Variants in CAMK2D observed in about 807,000 individuals in gnomAD.
CAMK2D encodes the protein calcium/calmodulin-dependent protein kinase type II subunit delta.
CAMK2D carries 37 observed loss-of-function variants against 84.0 expected under a neutral mutation model. That is an observed-to-expected ratio of 0.44 (90% CI 0.34 to 0.58). CAMK2D has a LOEUF of 0.58. Among genes scored for constraint, CAMK2D ranks in the 20% least tolerant of loss-of-function variants. The probability of loss-of-function intolerance (pLI) is 0.02; values close to 1 mark genes in which losing one functional copy is unlikely to be tolerated. For missense variants in CAMK2D, 448 were observed against 652.5 expected, an observed-to-expected ratio of 0.69 and a Z score of 3.41; for synonymous variants, 202 against 212.5, an observed-to-expected ratio of 0.95 and a Z score of 0.43.
At chr4:113,718,093 C>A (rs925034263) in intron 2 of CAMK2D, among the ~76,000 whole-genome samples, 2 of 151,998 alleles carry the variant, frequency 1.3e-5, no homozygotes, top group African/African-American at 4.8e-5. Flanking sequence ...TTACCTGCTG[C>A]CTAGACAGAG....
At position 113,531,257 on chromosome 4, in the gene CAMK2D, C is replaced by T; in HGVS notation, c.560G>A (p.Arg187His). 6.2e-7 allele frequency: 1 copy of T among 1,605,908 alleles called. No homozygotes were observed. Among genetic ancestry groups the T allele is most frequent in the Non-Finnish European group, 8.5e-7 (1 of 1,172,756 alleles). Reference protein sequence around the residue: ...TPGYLSPEVLRKDPYGKPVDM... With the variant: ...TPGYLSPEVLHKDPYGKPVDM... ...CACTGGCTTTCCATAAGGATCTTTA[C>T]GTAAAACTTCTGGAGAAAGATATCC... Residue 187 changes from arginine (R) to histidine (H), a missense_variant, in exon 8 of 21, where the codon CGT becomes CAT. By Grantham distance (29) the Arg-to-His change is conservative. This residue lies in a region of CAMK2D where 69 missense variants were observed against 175.6 expected (regional missense o/e 0.39). Transcript: ENST00000511664.
Position 113,671,855 on chromosome 4 carries a change from C to T in CAMK2D, c.161-10083G>A, listed in dbSNP as rs539840291. ...GAGGAAAAATGTTTTTGTTATTTTT[C>T]TGGAATTTGTTATTCTTTGTAGTAT... On this transcript the variant is annotated intron_variant, in intron 2 of 20. Transcript: ENST00000511664. Among the ~76,000 whole-genome samples the T allele has an allele frequency of 6.0e-4, 91 of 152,258 alleles. No individual in the cohort carries two copies. In the Middle Eastern group the frequency reaches 0.01, roughly 17 times the overall value.
intron 4 of CAMK2D, among the ~76,000 whole-genome samples, chr4:113,601,688 T>A (rs2098953399): frequency 8.3e-6 from 1 of 120,990 alleles, no homozygotes. Context: ...TTATTCTTTT[T>A]TTTTTTTTTT....
intron 3 of CAMK2D, among the ~76,000 whole-genome samples, chr4:113,647,323 A>C (rs2154298955): frequency 6.6e-6 from 1 of 152,324 alleles, no homozygotes; most frequent in Admixed American, 6.5e-5. Context: ...ATACAATATA[A>C]ATTGTTTCAA....
At chr4:113,521,286 C>T (rs946490061) in intron 8 of CAMK2D, among the ~76,000 whole-genome samples, 30 of 152,118 alleles carry the variant, frequency 2.0e-4, no homozygotes, top group Admixed American at 1.4e-3. Context: ...GTATTTCAAT[C>T]TATTATGTTA....
intron 2 of CAMK2D, among the ~76,000 whole-genome samples, chr4:113,716,037 A>G (rs540357041): frequency 6.6e-6 from 1 of 152,302 alleles, no homozygotes; most frequent in South Asian, 2.1e-4. Context: ...GCTTCTAAGT[A>G]TGTATTTGCA....
rs1254119195 is a variant in CAMK2D, at chr4:113,761,525, G to C, written c.-457C>G. 16 of 1,008,520 alleles carry C rather than the reference G, an allele frequency of 1.6e-5. No homozygotes were observed. Among genetic ancestry groups the C allele is most frequent in the Non-Finnish European group, 1.8e-5 (15 of 844,002 alleles). 62.5% of individuals were successfully genotyped at this position (1,008,520 alleles called of 1,614,324 possible). On this transcript the variant is annotated 5_prime_UTR_variant, in exon 1 of 21. Transcript: ENST00000511664. ...AGGGGGCGGAGGTGGAGTGCAGCGG[G>C]GCCGAGGCCGCGGAGCCCAGAGCGG...
intron 2 of CAMK2D, among the ~76,000 whole-genome samples, chr4:113,745,196 T>C (rs2099601595): frequency 6.6e-6 from 1 of 152,238 alleles, no homozygotes; most frequent in Non-Finnish European, 1.5e-5. Context: ...TACGTGTTTT[T>C]AACCTTTTCT....
intron 2 of CAMK2D, chr4:113,755,173 T>TATACACACACACACACACAC (rs71582195): frequency 6.1e-6 from 1 of 163,434 alleles, no homozygotes; most frequent in African/African-American, 2.7e-5. Context: ...TACTTAGGGA[T>TATACACACACACACACACAC]ACACACACAC....
At chr4:113,696,201 C>G (rs1020777801) in intron 2 of CAMK2D, among the ~76,000 whole-genome samples, 15 of 110,272 alleles carry the variant, frequency 1.4e-4, no homozygotes, top group African/African-American at 7.6e-4. Flanking sequence ...CACAGACACA[C>G]ACACACACAC....
At chr4:113,544,520 C>A (rs200366014) in intron 6 of CAMK2D, among the ~76,000 whole-genome samples, 4 of 152,154 alleles carry the variant, frequency 2.6e-5, no homozygotes, top group East Asian at 1.9e-4. Flanking sequence ...ATCTTAAGTT[C>A]TTTCATTTGT....
chr4:113,692,943 G>C (rs1358581503), intron 2 of CAMK2D, among the ~76,000 whole-genome samples: 1 of 151,964 alleles, frequency 6.6e-6, no homozygotes, highest in African/African-American at 2.4e-5. Flanking sequence ...TGCTTATAAT[G>C]GTTTTCATAA....
chr4:113,635,336 C>T (rs933693725), intron 3 of CAMK2D, among the ~76,000 whole-genome samples: 1 of 152,098 alleles, frequency 6.6e-6, no homozygotes, highest in Non-Finnish European at 1.5e-5. Context: ...AGAACACAAG[C>T]CAAGTTAAGG....
At chr4:113,468,132 C>T (rs1216594462) in intron 16 of CAMK2D, among the ~76,000 whole-genome samples, 1 of 152,068 alleles carries the variant, frequency 6.6e-6, no homozygotes, top group African/African-American at 2.4e-5. Context: ...TGCACTGCCT[C>T]ACAAGCATAA....
At chr4:113,488,526 T>C (rs752521959) in intron 16 of CAMK2D, among the ~76,000 whole-genome samples, 9 of 152,324 alleles carry the variant, frequency 5.9e-5, no homozygotes, top group Non-Finnish European at 1.3e-4. Context: ...TTTTAAACTC[T>C]GAATTCTTAA....
intron 2 of CAMK2D, among the ~76,000 whole-genome samples, chr4:113,749,664 G>A (rs2099612737): frequency 1.3e-5 from 2 of 152,110 alleles, no homozygotes; most frequent in Admixed American, 6.5e-5. Flanking sequence ...TTAAAGTGGT[G>A]CTGATGGACA....
chr4:113,621,108 G>A (rs2099044277), intron 3 of CAMK2D, among the ~76,000 whole-genome samples: 2 of 151,998 alleles, frequency 1.3e-5, no homozygotes, highest in Admixed American at 1.3e-4. Context: ...TTTTTGTAGA[G>A]ACGAGGTCTC....
intron 4 of CAMK2D, among the ~76,000 whole-genome samples, chr4:113,561,758 G>A (rs1369843187): frequency 1.3e-5 from 2 of 152,104 alleles, no homozygotes; most frequent in Non-Finnish European, 2.9e-5. Context: ...AGTTATTGCC[G>A]GTTTTATTCC....
intron 4 of CAMK2D, among the ~76,000 whole-genome samples, chr4:113,591,807 A>C (rs2098887630): frequency 6.6e-6 from 1 of 151,950 alleles, no homozygotes; most frequent in Non-Finnish European, 1.5e-5. Context: ...TGCAGGGAGG[A>C]GCTAGAATCT....
Sources: allele counts gnomAD v4.1 joint callset (sites outside exome capture counted in the v4.1 genomes callset), GRCh38; gene constraint gnomAD v4.1.1; regional missense constraint gnomAD v4.1.1; transcripts MANE v1.5; gene names NCBI Gene and HGNC (gene_info 2026-07-23, HGNC 2026-07-21).